Variants in SNX31 observed in about 807,000 individuals in gnomAD.
SNX31 encodes the protein sorting nexin-31.
A neutral mutation model predicts 65.4 loss-of-function variants in SNX31; 58 were observed. The observed-to-expected ratio is 0.89, with a 90% CI of 0.72 to 1.10. The LOEUF is 1.10. Among genes scored for constraint, SNX31 ranks in the 50% least tolerant of loss-of-function variants. The pLI is 0.00. For synonymous variants in SNX31, 181 were observed against 190.1 expected (o/e 0.95, Z 0.39); for missense variants, 523 against 529.7 (o/e 0.99, Z 0.12).
At chr8:100,631,923 C>T (rs899605297) in intron 3 of SNX31, among the ~76,000 whole-genome samples, 4 of 152,124 alleles carry the variant, frequency 2.6e-5, no homozygotes, top group African/African-American at 4.8e-5. Flanking sequence ...GTATTTACTG[C>T]GTGACTATTA....
intron 4 of SNX31, chr8:100,618,248 C>A (rs1817403980): frequency 2.1e-6 from 3 of 1,454,190 alleles, no homozygotes; most frequent in African/African-American, 2.8e-5. Flanking sequence ...TAAAGAACTT[C>A]CAAGTAAACA....
intron 9 of SNX31, among the ~76,000 whole-genome samples, chr8:100,599,262 C>T (rs1026514037): frequency 2.0e-5 from 3 of 152,092 alleles, no homozygotes; most frequent in Non-Finnish European, 2.9e-5. Context: ...TACAAATACA[C>T]ATTTTGGCAG....
chr8:100,617,921 C>T (rs772137374), intron 4 of SNX31, among the ~76,000 whole-genome samples, 191 bp from the exon 5 acceptor site: 4 of 151,940 alleles, frequency 2.6e-5, no homozygotes, highest in African/African-American at 7.3e-5. Context: ...CCCACCACCA[C>T]GTCCAGCTAA....
chr8:100,650,605 C>T (rs1486600554), upstream of SNX31, among the ~76,000 whole-genome samples: 1 of 152,200 alleles, frequency 6.6e-6, no homozygotes. Context: ...ACACCGGTGC[C>T]TCCTGCGTGC....
intron 2 of SNX31, among the ~76,000 whole-genome samples, chr8:100,646,770 A>G (rs1484388460): frequency 1.3e-5 from 2 of 152,250 alleles, no homozygotes; most frequent in African/African-American, 4.8e-5. Context: ...GGGGAATTTT[A>G]TTACATTACA....
intron 11 of SNX31, among the ~76,000 whole-genome samples, chr8:100,585,074 G>C (rs1224612220): frequency 1.3e-5 from 2 of 151,992 alleles, no homozygotes; most frequent in African/African-American, 2.4e-5. Context: ...TAGACTCATA[G>C]TCACCTTCAC....
intron 5 of SNX31, among the ~76,000 whole-genome samples, chr8:100,616,499 A>G (rs1354173731): frequency 2.6e-5 from 4 of 152,170 alleles, no homozygotes; most frequent in Non-Finnish European, 5.9e-5. Context: ...ATCCTGAGCA[A>G]TTGAGGTTTT....
At chr8:100,627,542 TAA>T (rs1366465413) in intron 4 of SNX31, among the ~76,000 whole-genome samples, 1 of 152,134 alleles carries the variant, frequency 6.6e-6, no homozygotes, top group Non-Finnish European at 1.5e-5. Context: ...AACGTCAATT[TAA>T]AAAAATTTTT....
At position 100,594,517 on chromosome 8, in the gene SNX31, T is replaced by C. The variant is rs1425068451; in HGVS notation, c.978+2122A>G. ...AGAAGACATTTTACCAAAGAAGATATACAGATGGCAAATAAACACATGAAG... is the reference window on the plus strand; with the variant it reads ...AGAAGACATTTTACCAAAGAAGATACACAGATGGCAAATAAACACATGAAG... On this transcript the variant is annotated intron_variant, in intron 10 of 13. Transcript: ENST00000311812. This position sits in a 1 kb window ranked among gnomAD's most constrained non-coding sequence, Gnocchi z 4.0. Among the ~76,000 whole-genome samples the C allele has an allele frequency of 1.3e-5, 2 of 152,104 alleles. No individual in the cohort carries two copies. Among genetic ancestry groups the C allele is most frequent in the Non-Finnish European group, 2.9e-5 (2 of 68,018 alleles).
chr8:100,609,066 C>T lies in SNX31; in HGVS notation c.612-503G>A, dbSNP rs1238996340. 6.6e-6 allele frequency among the ~76,000 whole-genome samples: 1 copy of T among 152,200 alleles called. No homozygotes were observed. The highest frequency in any genetic ancestry group is 1.5e-5 in the Non-Finnish European group (1 of 68,038). On this transcript the variant is annotated intron_variant, in intron 7 of 13. Coordinates refer to ENST00000311812, the MANE Select transcript of SNX31 (RefSeq NM_152628.4). This position sits in a 1 kb window ranked among gnomAD's most constrained non-coding sequence, Gnocchi z 4.9. ...AACCAGAGTGGTCTTTCCTGTGAAA[C>T]TTTTCAGACTCTCATTGTTCCTGGA... is the stretch of plus-strand genomic sequence containing the variant.
At chr8:100,581,333 C>CTATATATATATATATATA (rs1330316859) in intron 12 of SNX31, among the ~76,000 whole-genome samples, 3 of 137,226 alleles carry the variant, frequency 2.2e-5, no homozygotes, top group Admixed American at 7.2e-5. Context: ...ATCTATCTAT[C>CTATATATATATATATATA]TATCTATATA....
rs1035177904 is a variant in SNX31, at chr8:100,604,047, T to A, written c.682-3606A>T. Among the ~76,000 whole-genome samples, 21 of 152,186 alleles carry A rather than the reference T, an allele frequency of 1.4e-4. No homozygotes were observed. In the East Asian group the frequency reaches 3.9e-3, roughly 28 times the overall value. On this transcript the variant is annotated intron_variant, in intron 8 of 13. Coordinates refer to ENST00000311812, the MANE Select transcript of SNX31 (RefSeq NM_152628.4). The surrounding 1 kb of genome is among the most constrained non-coding windows in gnomAD (Gnocchi z 4.3). ...GCCACTGCGCCCAGCTTTATATCAT[T>A]ACCTTTGAAAAGAGTTGACCCTGAT... is the stretch of plus-strand genomic sequence containing the variant.
chr8:100,599,921 C>T (rs957649200), intron 9 of SNX31, among the ~76,000 whole-genome samples: 4 of 152,186 alleles, frequency 2.6e-5, no homozygotes, highest in Non-Finnish European at 5.9e-5. Flanking sequence ...GTACCAGGTG[C>T]TGTGAATACA....
Position 100,617,759 on chromosome 8 carries a change from T to G in SNX31, c.322-29A>C, listed in dbSNP as rs1220786479. 3 of 1,552,598 alleles carry G rather than the reference T, an allele frequency of 1.9e-6. No individual in the cohort carries two copies. In the Admixed American group the frequency reaches 5.5e-5, roughly 29 times the overall value. On this transcript the variant is annotated intron_variant, in intron 4 of 13. Transcript: ENST00000311812. ...TAAGCAAAAGAAAAGCAAAATAAAT[T>G]TCCACACCTTTTTTTTTTTTTTGGA...
chr8:100,656,162 A>G (rs566315896), intron 1 of SNX31, among the ~76,000 whole-genome samples: 1 of 152,304 alleles, frequency 6.6e-6, no homozygotes, highest in East Asian at 1.9e-4. Flanking sequence ...ATGGCTGTCA[A>G]CAGAAGACAG....
chr8:100,662,887 T>A (rs1260527771), intron 1 of SNX31, among the ~76,000 whole-genome samples: 2 of 152,186 alleles, frequency 1.3e-5, no homozygotes, highest in East Asian at 3.8e-4. Context: ...TGGCCTAATT[T>A]AAAAATACAT....
At chr8:100,632,617 G>A (rs574655109) in intron 3 of SNX31, among the ~76,000 whole-genome samples, 6 of 152,130 alleles carry the variant, frequency 3.9e-5, no homozygotes, top group East Asian at 1.9e-4. Context: ...AATAGTTGGC[G>A]ATGTTTTATT....
In SNX31 at chr8:100,614,610, C is replaced by T. The variant is rs1429569669; in HGVS notation, c.433-1525G>A. Among the ~76,000 whole-genome samples, 1 of 152,172 alleles carries T rather than the reference C, an allele frequency of 6.6e-6. No individual in the cohort carries two copies. The highest frequency in any genetic ancestry group is 2.4e-5 in the African/African-American group (1 of 41,438). On this transcript the variant is annotated intron_variant, in intron 5 of 13. Transcript: ENST00000311812. The surrounding 1 kb of genome is among the most constrained non-coding windows in gnomAD (Gnocchi z 5.1). ...GCCATTGAGGCCCGGCACGGTGGCT[C>T]ATGCCTGTAATCCCAGCACTTTGGA...
At position 100,618,531 on chromosome 8, in the gene SNX31, G is replaced by A. The variant is rs1275400654; in HGVS notation, c.322-801C>T. On this transcript the variant is annotated intron_variant, in intron 4 of 13. Transcript: ENST00000311812. ...TTGGCATCAGATCCCTCACGTTTAAGGGCTCAGCTCCACAAGACTACCCCC... is the reference window on the plus strand; with the variant it reads ...TTGGCATCAGATCCCTCACGTTTAAAGGCTCAGCTCCACAAGACTACCCCC... 8 of 597,238 alleles carry A rather than the reference G, an allele frequency of 1.3e-5. No homozygotes were observed. The Admixed American group carries it at 2.4e-4, about 18-fold the overall frequency. The allele number at this position is 597,238 out of a possible 1,614,324, so 37.0% of individuals were successfully genotyped here.
Sources: gnomAD v4.1 joint callset for allele counts (sites outside exome capture counted in the v4.1 genomes callset) on GRCh38, gnomAD v4.1.1 for gene constraint, Gnocchi (gnomAD v3.1) non-coding constraint, MANE v1.5 for transcripts, NCBI Gene and HGNC (gene_info 2026-07-23, HGNC 2026-07-21) for gene names.